Variants in PTGIS observed in about 807,000 individuals in gnomAD.
The protein encoded by PTGIS is prostacyclin synthase.
PTGIS carries 45 observed loss-of-function variants against 50.3 expected under a neutral mutation model. That is an observed-to-expected ratio of 0.90 (90% CI 0.70 to 1.15). The LOEUF (loss-of-function observed/expected upper bound fraction) is 1.15, where lower values mean the gene tolerates loss of function less well. PTGIS is among the 50% of genes most tolerant of loss of function. The pLI is 0.00. For synonymous variants in PTGIS, 260 were observed against 267.7 expected (o/e 0.97, Z 0.28); for missense variants, 668 against 661.3 (o/e 1.01, Z -0.11).
intron 5 of PTGIS, among the ~76,000 whole-genome samples, chr20:49,534,355 G>A (rs1030398806): frequency 5.3e-5 from 8 of 152,184 alleles, no homozygotes; most frequent in Admixed American, 1.3e-4. Flanking sequence ...AGCAATGTTC[G>A]GGGGCTGCTT....
chr20:49,524,135 G>T lies in PTGIS; in HGVS notation c.778C>A (p.Leu260Met). The change falls in exon 6 of 10, where the codon CTG becomes ATG. Residue 260 changes from leucine (L) to methionine (M), a missense_variant. Transcript: ENST00000244043. Reference protein sequence around the residue: ...AHRSKWLESYLLHLEEMGVSE... With the variant: ...AHRSKWLESYMLHLEEMGVSE... ...ACACCCATCTCCTCCAGGTGCAGCA[G>T]GTAACTCTCCAGCCATTTGCTCCGG... The T allele has an allele frequency of 6.2e-7, 1 of 1,614,246 alleles. No homozygotes were observed. The highest frequency in any genetic ancestry group is 1.1e-5 in the South Asian group (1 of 91,078).
intron 2 of PTGIS, 67 bp from the exon 3 acceptor site, chr20:49,548,086 G>C (rs1982412502): frequency 6.8e-7 from 1 of 1,479,568 alleles, no homozygotes; most frequent in Admixed American, 1.7e-5. Flanking sequence ...TCAGTGGTCA[G>C]GGCCTTACTG....
intron 4 of PTGIS, among the ~76,000 whole-genome samples, 189 bp from the exon 5 acceptor site, chr20:49,539,910 C>G (rs1046426020): frequency 1.3e-5 from 2 of 152,220 alleles, no homozygotes; most frequent in Non-Finnish European, 2.9e-5. Flanking sequence ...GAGCTGACCT[C>G]TCAGCACAGG....
chr20:49,548,088 G>A (rs1982412582), intron 2 of PTGIS, 69 bp from the exon 3 acceptor site: 1 of 1,466,658 alleles, frequency 6.8e-7, no homozygotes, highest in Admixed American at 1.7e-5. Context: ...AGTGGTCAGG[G>A]CCTTACTGTG....
rs776407762 is a variant in PTGIS, at chr20:49,527,030, T to C, written c.674-2791A>G. ...ACAGATACTCGTGCACCAATGTTCATAGCAGCATTATTCACAGTAGCCAAA... is the reference window on the plus strand; with the variant it reads ...ACAGATACTCGTGCACCAATGTTCACAGCAGCATTATTCACAGTAGCCAAA... On this transcript the variant is annotated intron_variant, in intron 5 of 9. Transcript: ENST00000244043. Among the ~76,000 whole-genome samples the C allele has an allele frequency of 7.9e-5, 12 of 152,194 alleles. No individual in the cohort carries two copies. In the South Asian group the frequency reaches 1.0e-3, roughly 13 times the overall value.
At chr20:49,508,337 G>T (rs1981213280) in intron 9 of PTGIS, among the ~76,000 whole-genome samples, 1 of 152,238 alleles carries the variant, frequency 6.6e-6, no homozygotes, top group Admixed American at 6.5e-5. Flanking sequence ...GCGAGCCAGT[G>T]TGTGGCTCTC....
intron 6 of PTGIS, among the ~76,000 whole-genome samples, chr20:49,523,279 G>A (rs1223156005): frequency 6.6e-6 from 1 of 152,082 alleles, no homozygotes; most frequent in African/African-American, 2.4e-5. Context: ...AAAAAAGCAT[G>A]ATATCTGCAA....
chr20:49,518,898 C>G (rs1981570084), intron 6 of PTGIS, among the ~76,000 whole-genome samples: 1 of 152,144 alleles, frequency 6.6e-6, no homozygotes. Flanking sequence ...CCCGTGGCCC[C>G]CTCCCCTACC....
At chr20:49,556,008 T>C (rs1025382498) in intron 1 of PTGIS, among the ~76,000 whole-genome samples, 1 of 152,234 alleles carries the variant, frequency 6.6e-6, no homozygotes, top group Admixed American at 6.5e-5. Context: ...TGAAATAATC[T>C]TTTATGAGTT....
At chr20:49,560,221 C>T (rs948774744) in intron 1 of PTGIS, among the ~76,000 whole-genome samples, 12 of 151,936 alleles carry the variant, frequency 7.9e-5, no homozygotes, top group East Asian at 1.9e-4. Flanking sequence ...CATGCCCGGC[C>T]GAATTATACA....
intron 5 of PTGIS, among the ~76,000 whole-genome samples, chr20:49,537,739 G>A (rs1982116938): frequency 6.6e-6 from 1 of 151,702 alleles, no homozygotes; most frequent in South Asian, 2.1e-4. Flanking sequence ...TGGGCAACAG[G>A]GCAAGACTCT....
In PTGIS at chr20:49,504,709, A is replaced by C. The variant is rs1981093009; in HGVS notation, c.*3211T>G. 6.6e-6 allele frequency: 1 copy of C among 152,140 alleles called. No individual in the cohort carries two copies. The highest frequency in any genetic ancestry group is 2.4e-5 in the African/African-American group (1 of 41,416). The allele number at this position is 152,140 out of a possible 1,614,324, so 9.4% of individuals were successfully genotyped here. Reference sequence around the variant, plus strand: ...AACTCCGTCTCAAAAAAAAAAAAAAAAGTTTAAAAAGCGAGTCTGTTTAAA... The same window carrying C: ...AACTCCGTCTCAAAAAAAAAAAAAACAGTTTAAAAAGCGAGTCTGTTTAAA... On this transcript the variant is annotated 3_prime_UTR_variant, in exon 10 of 10. Transcript: ENST00000244043.
intron 1 of PTGIS, among the ~76,000 whole-genome samples, chr20:49,552,453 CT>C (rs988125258): frequency 1.3e-5 from 2 of 152,150 alleles, no homozygotes; most frequent in African/African-American, 4.8e-5. Context: ...TTATGTTTGG[CT>C]TGTGGCTTGG....
intron 1 of PTGIS, among the ~76,000 whole-genome samples, chr20:49,551,853 T>A (rs1262971412): frequency 1.3e-5 from 2 of 151,848 alleles, no homozygotes; most frequent in East Asian, 3.9e-4. Flanking sequence ...TGTATGCCTT[T>A]ATGCTTTCTT....
chr20:49,558,349 A>G (rs1007865351), intron 1 of PTGIS, among the ~76,000 whole-genome samples: 7 of 152,222 alleles, frequency 4.6e-5, no homozygotes, highest in African/African-American at 1.7e-4. Flanking sequence ...TGACTGTGCC[A>G]CTGGACTACA....
intron 4 of PTGIS, among the ~76,000 whole-genome samples, chr20:49,543,530 T>C (rs530072816): frequency 1.3e-5 from 2 of 152,328 alleles, no homozygotes; most frequent in East Asian, 1.9e-4. Context: ...TGACCTCCTG[T>C]CCACCTTCCC....
chr20:49,525,040 A>G (rs1981760766), intron 5 of PTGIS, among the ~76,000 whole-genome samples: 1 of 152,226 alleles, frequency 6.6e-6, no homozygotes, highest in South Asian at 2.1e-4. Flanking sequence ...GCCCATGTGC[A>G]TGAGGAGGAG....
chr20:49,520,623 T>C (rs1342899770), intron 6 of PTGIS, among the ~76,000 whole-genome samples: 1 of 152,148 alleles, frequency 6.6e-6, no homozygotes, highest in African/African-American at 2.4e-5. Flanking sequence ...CGTGAGCCAC[T>C]GCGCCTGACT....
chr20:49,509,156 G>C (rs1265620647), intron 9 of PTGIS, among the ~76,000 whole-genome samples: 1 of 152,216 alleles, frequency 6.6e-6, no homozygotes, highest in Non-Finnish European at 1.5e-5. Context: ...TCTGGTCAAA[G>C]AGGGGAAAGG....
Sources: gnomAD v4.1 joint callset for allele counts (sites outside exome capture counted in the v4.1 genomes callset) on GRCh38, gnomAD v4.1.1 for gene constraint, MANE v1.5 for transcripts, NCBI Gene and HGNC (gene_info 2026-07-23, HGNC 2026-07-21) for gene names.